C12orf56: variants seen among roughly 807,000 people sequenced by gnomAD.
C12orf56 encodes uncharacterized protein C12orf56.
A neutral mutation model predicts 69.9 loss-of-function variants in C12orf56; 71 were observed. That is an observed-to-expected ratio of 1.02 (90% CI 0.84 to 1.24). C12orf56 has a LOEUF of 1.24. Ranked by LOEUF, C12orf56 falls within the 50% of genes most tolerant of loss-of-function variation. The probability of loss-of-function intolerance (pLI) is 0.00; values close to 1 mark genes in which losing one functional copy is unlikely to be tolerated. For missense variants in C12orf56, 732 were observed against 738.5 expected (o/e 0.99, Z 0.10); for synonymous variants, 276 against 274.1 (o/e 1.01, Z -0.07).
At chr12:64,377,725 T>G (rs985954070) in intron 1 of C12orf56, among the ~76,000 whole-genome samples, 1 of 152,206 alleles carries the variant, frequency 6.6e-6, no homozygotes, top group Non-Finnish European at 1.5e-5. Context: ...AGTTTCTGAT[T>G]TGTTCAGTTC....
In C12orf56 at chr12:64,265,075, G is replaced by A. The variant is rs1017140271; in HGVS notation, c.*2108C>T. ...ACTACTAGCCCAGATCCAGGGCACT[G>A]CGGAGAAGCTAAGGCAGAGCTGAGT... On this transcript the variant is annotated 3_prime_UTR_variant, in exon 13 of 13. Transcript: ENST00000543942. 1.3e-5 allele frequency: 2 copies of A among 152,262 alleles called. No homozygotes were observed. Among genetic ancestry groups the A allele is most frequent in the African/African-American group, 4.8e-5 (2 of 41,452 alleles). 9.4% of individuals were successfully genotyped at this position (152,262 alleles called of 1,614,324 possible).
intron 8 of C12orf56, among the ~76,000 whole-genome samples, chr12:64,282,191 A>G (rs1297444851): frequency 6.6e-6 from 1 of 152,176 alleles, no homozygotes; most frequent in African/African-American, 2.4e-5. Flanking sequence ...CCTTGTCTCT[A>G]CAAAAAAATA....
intron 1 of C12orf56, among the ~76,000 whole-genome samples, chr12:64,367,146 C>CTTTATATATTATATATAACATACAG (rs1565777684): frequency 0.073 from 885 of 12,070 alleles, 337 homozygotes; most frequent in East Asian, 0.29. Context: ...ATAACATACA[C>CTTTATATATTATATATAACATACAG]TTTATATATT....
chr12:64,308,042 G>A (rs990641276), intron 5 of C12orf56, among the ~76,000 whole-genome samples: 1 of 151,924 alleles, frequency 6.6e-6, no homozygotes, highest in South Asian at 2.1e-4. Context: ...TAAACGGCTG[G>A]GCGCGGTGGC....
chr12:64,371,025 G>A (rs968858480), intron 1 of C12orf56, among the ~76,000 whole-genome samples: 2 of 151,980 alleles, frequency 1.3e-5, no homozygotes, highest in African/African-American at 4.8e-5. Flanking sequence ...AAAGAATAGA[G>A]AACCCAGAAA....
chr12:64,335,179 G>A (rs982521944), intron 2 of C12orf56, among the ~76,000 whole-genome samples: 4 of 152,152 alleles, frequency 2.6e-5, no homozygotes, highest in Admixed American at 2.6e-4. Context: ...CACTTTGGGA[G>A]GCCGAGGTGG....
At chr12:64,349,118 A>T (rs2135946781) in intron 2 of C12orf56, among the ~76,000 whole-genome samples, 1 of 152,304 alleles carries the variant, frequency 6.6e-6, no homozygotes, top group East Asian at 1.9e-4. Context: ...TTCACAATCT[A>T]TACATCTGAC....
intron 6 of C12orf56, among the ~76,000 whole-genome samples, chr12:64,300,021 A>G (rs1041531266): frequency 2.6e-5 from 4 of 152,156 alleles, no homozygotes; most frequent in African/African-American, 9.7e-5. Context: ...TAAAACTTCA[A>G]AGAAAGTTCT....
chr12:64,277,729 A>T lies in C12orf56; in HGVS notation c.1385T>A (p.Ile462Asn). The T allele has an allele frequency of 6.2e-7, 1 of 1,602,330 alleles. No individual in the cohort carries two copies. Among genetic ancestry groups the T allele is most frequent in the Non-Finnish European group, 8.5e-7 (1 of 1,173,210 alleles). The change falls in exon 9 of 13, where the codon ATC becomes AAC. Residue 462 changes from isoleucine (I) to asparagine (N), a missense_variant. Transcript: ENST00000543942. ...QIPKSCPVFD[I>N]QLVADSALVR... ...TAAAGCTGAATCAGCCACCAACTGG[A>T]TATCAAACACAGGACAAGATTTTGG...
At chr12:64,375,046 GTTTATTTTATA>G (rs2039622879) in intron 1 of C12orf56, among the ~76,000 whole-genome samples, 1 of 151,686 alleles carries the variant, frequency 6.6e-6, no homozygotes, top group African/African-American at 2.4e-5. Flanking sequence ...ATTACTTGCT[GTTTATTTTATA>G]TTTATTTTAT....
chr12:64,329,706 G>T (rs1592458990), intron 3 of C12orf56, among the ~76,000 whole-genome samples: 1 of 121,516 alleles, frequency 8.2e-6, no homozygotes, highest in African/African-American at 3.2e-5. Flanking sequence ...TCCCCAGAGT[G>T]TGATGTTCCC....
intron 9 of C12orf56, 127 bp downstream of exon 9, chr12:64,277,553 A>G (rs536370876): frequency 1.0e-5 from 6 of 598,246 alleles, no homozygotes; most frequent in Admixed American, 4.8e-5. Context: ...GAGGTTAATG[A>G]CAAAAGATCT....
intron 2 of C12orf56, among the ~76,000 whole-genome samples, chr12:64,341,687 C>A (rs540575920): frequency 1.3e-5 from 2 of 152,264 alleles, no homozygotes; most frequent in African/African-American, 4.8e-5. Context: ...AAACCCATAT[C>A]CGGAGTAAGT....
chr12:64,309,491 GTTTT>G (rs869043589), intron 5 of C12orf56, among the ~76,000 whole-genome samples: 3 of 59,504 alleles, frequency 5.0e-5, no homozygotes, highest in South Asian at 2.0e-3. Context: ...TACTCACACT[GTTTT>G]TTTGTTTGTT....
intron 2 of C12orf56, among the ~76,000 whole-genome samples, chr12:64,332,302 C>CA (rs10680877): frequency 0.7 from 70,687 of 100,734 alleles, 25,338 homozygotes; most frequent in South Asian, 0.8. Context: ...GACTCCATCT[C>CA]AAAAAAAAAA....
Position 64,312,717 on chromosome 12 carries a change from A to G in C12orf56, c.930T>C (p.Ser310=). ...GACTTCCAATAGCAGGACTGAACTC[A>G]CTAGCATAGAAGGGATCTTGTAAAA... ...ATLLQDPFYA[S]EFSPAIGSQK... is the part of the protein sequence containing the mutation. Residue 310 remains serine (S), a synonymous_variant, in exon 5 of 13, where the codon AGT becomes AGC. Transcript: ENST00000543942. 6.5e-7 allele frequency: 1 copy of G among 1,536,806 alleles called. No homozygotes were observed. Among genetic ancestry groups the G allele is most frequent in the Non-Finnish European group, 8.7e-7 (1 of 1,146,498 alleles).
chr12:64,319,488 C>G (rs1384622555), intron 3 of C12orf56, among the ~76,000 whole-genome samples: 1 of 152,198 alleles, frequency 6.6e-6, no homozygotes, highest in Admixed American at 6.5e-5. Context: ...CTCCACCTCC[C>G]AGGCTCAAGT....
chr12:64,274,820 T>G, intron 11 of C12orf56, 81 bp downstream of exon 11: 1 of 1,086,600 alleles, frequency 9.2e-7, no homozygotes, highest in Non-Finnish European at 1.3e-6. Flanking sequence ...ACAGGGAAAA[T>G]CTGTGTTTTA....
At chr12:64,344,739 A>G (rs1435948675) in intron 2 of C12orf56, among the ~76,000 whole-genome samples, 1 of 152,112 alleles carries the variant, frequency 6.6e-6, no homozygotes, top group Non-Finnish European at 1.5e-5. Context: ...GGTCAAGGGT[A>G]TATCTTCTGG....
Sources: allele counts gnomAD v4.1 joint callset (sites outside exome capture counted in the v4.1 genomes callset), GRCh38; gene constraint gnomAD v4.1.1; transcripts MANE v1.5; gene names NCBI Gene and HGNC (gene_info 2026-07-23, HGNC 2026-07-21).